The following NUSAP1 variants were observed in gnomAD, a reference collection of about 807,000 sequenced individuals.
NUSAP1 encodes the protein nucleolar and spindle associated protein 1.
A neutral mutation model predicts 52.8 loss-of-function variants in NUSAP1; 32 were observed. The ratio of observed to expected loss-of-function variants is 0.61; its 90% CI spans 0.46 to 0.81. The LOEUF is 0.81. Among genes scored for constraint, NUSAP1 ranks in the 40% least tolerant of loss-of-function variants. The pLI is 0.00. For missense variants in NUSAP1, 499 were observed against 522.3 expected, an observed-to-expected ratio of 0.96 and a Z score of 0.43; for synonymous variants, 195 against 183.1, an observed-to-expected ratio of 1.06 and a Z score of -0.52.
At chr15:41,334,448 G>T (rs2048044040) in intron 1 of NUSAP1, among the ~76,000 whole-genome samples, 1 of 152,116 alleles carries the variant, frequency 6.6e-6, no homozygotes, top group Admixed American at 6.5e-5. Context: ...CAGGGCCTAA[G>T]TGCCTGTTGG....
intron 4 of NUSAP1, among the ~76,000 whole-genome samples, chr15:41,354,536 T>C (rs575998328): frequency 1.3e-5 from 2 of 151,568 alleles, no homozygotes; most frequent in African/African-American, 4.8e-5. Flanking sequence ...AAAATAAGTA[T>C]AGGAAGCAGA....
chr15:41,371,697 A>C lies in NUSAP1; in HGVS notation c.1006+13A>C, dbSNP rs971277189. ...AATTCTGCTGCTGGTAAAAAAAAAA[A>C]AAAACAAAAGAAATCTGTTTCATTT... On this transcript the variant is annotated intron_variant, in intron 8 of 10. Transcript: ENST00000559596. 1.8e-5 allele frequency: 29 copies of C among 1,577,548 alleles called. No individual in the cohort carries two copies. The highest frequency in any genetic ancestry group is 4.5e-5 in the East Asian group (2 of 44,598).
At chr15:41,358,792 C>T (rs1431433118) in intron 6 of NUSAP1, among the ~76,000 whole-genome samples, 1 of 152,200 alleles carries the variant, frequency 6.6e-6, no homozygotes, top group Non-Finnish European at 1.5e-5. Flanking sequence ...ATGGCAATGT[C>T]ATTCTACTTT....
chr15:41,343,960 G>A (rs1158585426), intron 2 of NUSAP1, among the ~76,000 whole-genome samples: 1 of 151,314 alleles, frequency 6.6e-6, no homozygotes, highest in Non-Finnish European at 1.5e-5. Context: ...GCTCACACCT[G>A]TAATCCCAGC....
intron 1 of NUSAP1, among the ~76,000 whole-genome samples, chr15:41,338,657 AAG>A (rs957999451): frequency 7.2e-5 from 11 of 152,118 alleles, no homozygotes; most frequent in African/African-American, 1.9e-4. Flanking sequence ...AAAGAAAAAA[AAG>A]AGAGAGAGAC....
rs892094510 is a variant in NUSAP1, at chr15:41,380,447, G to C, written c.*261G>C. On this transcript the variant is annotated 3_prime_UTR_variant, in exon 11 of 11. Transcript: ENST00000559596. ...CTAACGAGACCCATCCTAAAATTCT[G>C]TTTCTAGATTTTTAATGTCAAGTTC... is the stretch of plus-strand genomic sequence containing the variant. The C allele has an allele frequency of 8.0e-6, 2 of 250,780 alleles. No homozygotes were observed. The highest frequency in any genetic ancestry group is 1.5e-5 in the Non-Finnish European group (2 of 130,104). 15.5% of individuals were successfully genotyped at this position (250,780 alleles called of 1,614,324 possible).
At chr15:41,339,081 C>T (rs1418404968) in intron 1 of NUSAP1, among the ~76,000 whole-genome samples, 2 of 152,144 alleles carry the variant, frequency 1.3e-5, no homozygotes, top group East Asian at 3.9e-4. Flanking sequence ...CTTAGTTTGA[C>T]CCTGATTTGG....
Position 41,351,038 on chromosome 15 carries a change from T to C in NUSAP1, c.357T>C (p.His119=). 6.2e-7 allele frequency: 1 copy of C among 1,613,496 alleles called. No individual in the cohort carries two copies. The highest frequency in any genetic ancestry group is 8.5e-7 in the Non-Finnish European group (1 of 1,179,616). Residue 119 remains histidine, a synonymous_variant, in exon 4 of 11, where the codon CAT becomes CAC. Coordinates refer to ENST00000559596, the MANE Select transcript of NUSAP1 (RefSeq NM_016359.5). Reference sequence around the variant, plus strand: ...GTAATCCCACTGAATTCCAGAATCATGAAAAGCAGGAAAGCCAGGATCTCA... The same window carrying C: ...GTAATCCCACTGAATTCCAGAATCACGAAAAGCAGGAAAGCCAGGATCTCA... The part of the protein sequence containing the change: ...KISNPTEFQN[H]EKQESQDLRA...
chr15:41,364,972 G>T (rs1034428592), intron 6 of NUSAP1, among the ~76,000 whole-genome samples: 2 of 152,106 alleles, frequency 1.3e-5, no homozygotes, highest in Admixed American at 6.6e-5. Context: ...CTTTATAACA[G>T]AATCCCCATA....
intron 4 of NUSAP1, among the ~76,000 whole-genome samples, chr15:41,352,262 C>T (rs1428176893): frequency 3.3e-5 from 5 of 151,894 alleles, no homozygotes; most frequent in Non-Finnish European, 5.9e-5. Flanking sequence ...TTTCTTTTGC[C>T]TACTAAACCT....
At chr15:41,341,803 C>A (rs2048375985) in intron 1 of NUSAP1, among the ~76,000 whole-genome samples, 1 of 152,220 alleles carries the variant, frequency 6.6e-6, no homozygotes, top group Admixed American at 6.5e-5. Flanking sequence ...GCAAACTCTT[C>A]AGAGACTGCC....
At chr15:41,349,981 A>G (rs2048721948) in intron 3 of NUSAP1, among the ~76,000 whole-genome samples, 1 of 151,862 alleles carries the variant, frequency 6.6e-6, no homozygotes, top group Non-Finnish European at 1.5e-5. Context: ...TGGCTGGGCT[A>G]ATCTTGAACT....
At chr15:41,347,938 C>T (rs1205088984) in intron 2 of NUSAP1, among the ~76,000 whole-genome samples, 2 of 151,910 alleles carry the variant, frequency 1.3e-5, no homozygotes, top group East Asian at 3.9e-4. Flanking sequence ...GCCTGGGCAA[C>T]ATAGTGAGAC....
In NUSAP1 at chr15:41,356,151, T is replaced by C; in HGVS notation, c.550+11T>C. The C allele has an allele frequency of 6.7e-7, 1 of 1,488,312 alleles. No homozygotes were observed. The highest frequency in any genetic ancestry group is 9.3e-7 in the Non-Finnish European group (1 of 1,075,720). The allele number at this position is 1,488,312 out of a possible 1,614,324, so 92.2% of individuals were successfully genotyped here. On this transcript the variant is annotated intron_variant, in intron 5 of 10. Transcript: ENST00000559596. Reference sequence around the variant, plus strand: ...CAATCACTACTCCAAGTAAGTTTTGTAGACAAAGCCATAATAAGTAATGGT... The same window carrying C: ...CAATCACTACTCCAAGTAAGTTTTGCAGACAAAGCCATAATAAGTAATGGT...
intron 10 of NUSAP1, 136 bp downstream of exon 10, chr15:41,377,440 C>A: frequency 2.1e-6 from 1 of 486,260 alleles, no homozygotes; most frequent in South Asian, 2.7e-5. Context: ...TGGCTCACGC[C>A]TGTAATCCCA....
In NUSAP1 at chr15:41,342,460, T is replaced by C. The variant is rs1421961985; in HGVS notation, c.162+6T>C. The C allele has an allele frequency of 1.8e-5, 28 of 1,571,960 alleles. No homozygotes were observed. The highest frequency in any genetic ancestry group is 2.3e-5 in the Non-Finnish European group (27 of 1,156,894). ...GAAAAGGAAATGAGAATCAGGTGAG[T>C]AATGTTTTTCATGTTTACCTGTTAG... On this transcript the variant is annotated splice_donor_region_variant and intron_variant, in intron 2 of 10. Transcript: ENST00000559596.
chr15:41,371,567 C>T lies in NUSAP1; in HGVS notation c.889C>T (p.Leu297=). 1 of 1,609,288 alleles carries T rather than the reference C, an allele frequency of 6.2e-7. No homozygotes were observed. The change falls in exon 8 of 11, where the codon CTG becomes TTG. Residue 297 remains leucine, a synonymous_variant. Transcript: ENST00000559596. ...TAAAGATAATGAGCATAAGCGTTCA[C>T]TGACCAAGACTCCAGCCAGAAAGTC... The part of the protein sequence containing the change: ...ATKDNEHKRS[L]TKTPARKSAH...
chr15:41,337,277 C>T (rs2048193159), intron 1 of NUSAP1, among the ~76,000 whole-genome samples: 1 of 152,130 alleles, frequency 6.6e-6, no homozygotes, highest in Non-Finnish European at 1.5e-5. Flanking sequence ...CCTTGGCCTC[C>T]CAAAGTGCTG....
At chr15:41,371,224 G>C (rs962988513) in intron 7 of NUSAP1, among the ~76,000 whole-genome samples, 2 of 152,090 alleles carry the variant, frequency 1.3e-5, no homozygotes, top group Non-Finnish European at 2.9e-5. Flanking sequence ...GGGAGCTTTT[G>C]GCTTGCCTCT....
Sources: gnomAD v4.1 joint callset for allele counts (sites outside exome capture counted in the v4.1 genomes callset) on GRCh38, gnomAD v4.1.1 for gene constraint, MANE v1.5 for transcripts, NCBI Gene and HGNC (gene_info 2026-07-23, HGNC 2026-07-21) for gene names.